The following NDUFA11 variants were observed in gnomAD, a reference collection of about 807,000 sequenced individuals.
The protein encoded by NDUFA11 is NADH:ubiquinone oxidoreductase subunit A11, also known as NADH dehydrogenase [ubiquinone] 1 alpha subcomplex subunit 11.
NDUFA11 carries 14 observed loss-of-function variants against 11.3 expected under a neutral mutation model. The ratio of observed to expected loss-of-function variants is 1.24; its 90% confidence interval spans 0.82 to 1.94. The LOEUF is 1.94. Ranked by LOEUF, NDUFA11 falls within the 30% of genes most tolerant of loss-of-function variation. The pLI, the probability that NDUFA11 is intolerant of heterozygous loss-of-function variation, is 0.00. For missense variants in NDUFA11, 204 were observed against 200.3 expected (o/e 1.02, Z -0.11); for synonymous variants, 87 against 85.6 (o/e 1.02, Z -0.09).
In NDUFA11 at chr19:5,903,634, G is replaced by A. The variant is rs2057659819; in HGVS notation, c.75C>T (p.Thr25=). 6.4e-7 allele frequency: 1 copy of A among 1,551,188 alleles called. No homozygotes were observed. Among genetic ancestry groups the A allele is most frequent in the South Asian group, 1.2e-5 (1 of 84,072 alleles). The change falls in exon 1 of 4, where the codon ACC becomes ACT. Residue 25 remains threonine (T), a synonymous_variant. Transcript: ENST00000308961. ...GTDCHRKAYS[T]TSIASVAGLT... is the part of the protein sequence containing the mutation. ...CACCAGCGACGCTGGCAATACTGGT[G>A]GTGCTGTAGGCTTTGCGGTGGCAAT...
rs1432242829 is a variant in NDUFA11 at position 5,896,220 on chromosome 19, G to C, written c.313+233C>G. The C allele has an allele frequency of 5.0e-6, 3 of 604,236 alleles. No individual in the cohort carries two copies. Among genetic ancestry groups the C allele is most frequent in the Non-Finnish European group, 8.8e-6 (3 of 340,502 alleles). 37.4% of individuals were successfully genotyped at this position (604,236 alleles called of 1,614,324 possible). On this transcript the variant is annotated intron_variant, in intron 3 of 3. Transcript: ENST00000308961. This position sits in a 1 kb window ranked among gnomAD's most constrained non-coding sequence, Gnocchi z 5.8. The stretch of plus-strand genomic sequence containing the variant: ...GAGGAGCAGTGAGGAGGCCCGTGTG[G>C]CTGGAGCAGAGTGAGGAGGGGAGGG...
chr19:5,901,393 TG>T (rs2057644517), intron 1 of NDUFA11: 1 of 1,287,040 alleles, frequency 7.8e-7, no homozygotes, highest in Non-Finnish European at 1.0e-6. Context: ...GACCTGGACT[TG>T]CAGCCCAGCT....
Position 5,896,314 on chromosome 19 carries a change from A to G in NDUFA11, c.313+139T>C. 2.0e-6 allele frequency: 2 copies of G among 1,022,000 alleles called. No individual in the cohort carries two copies. Among genetic ancestry groups the G allele is most frequent in the Non-Finnish European group, 2.8e-6 (2 of 706,352 alleles). 63.3% of individuals were successfully genotyped at this position (1,022,000 alleles called of 1,614,324 possible). On this transcript the variant is annotated intron_variant, in intron 3 of 3. Coordinates refer to ENST00000308961, the MANE Select transcript of NDUFA11 (RefSeq NM_175614.5). This position sits in a 1 kb window ranked among gnomAD's most constrained non-coding sequence, Gnocchi z 5.8. ...TTAAGCAGCAGCAGCAGCTGTCGCT[A>G]TGACTGAAATGGCTGGTGTTCAAGA...
chr19:5,894,543 C>T, downstream of NDUFA11: 1 of 1,151,894 alleles, frequency 8.7e-7, no homozygotes, highest in South Asian at 1.4e-5. Context: ...GGCTGGTACC[C>T]TTGGCAGGGA....
chr19:5,901,189 C>T, intron 1 of NDUFA11: 1 of 760,058 alleles, frequency 1.3e-6, no homozygotes, highest in South Asian at 2.1e-5. Context: ...CCTCCTGAGA[C>T]CGCAGCCCAC....
intron 1 of NDUFA11, among the ~76,000 whole-genome samples, chr19:5,899,091 C>G (rs1387322839): frequency 2.6e-5 from 4 of 151,862 alleles, no homozygotes; most frequent in Admixed American, 6.6e-5. Context: ...ACATCCCCCC[C>G]TTCCAAATTC....
chr19:5,891,925 C>T (rs1250993725), downstream of NDUFA11: 10 of 152,276 alleles, frequency 6.6e-5, no homozygotes, highest in Non-Finnish European at 1.3e-4. Context: ...CCCCCACAGC[C>T]CCTCAGGGAG....
chr19:5,897,030 C>T, intron 1 of NDUFA11, 33 bp from the exon 2 acceptor site: 1 of 1,568,024 alleles, frequency 6.4e-7, no homozygotes, highest in Non-Finnish European at 8.8e-7. Context: ...TGTTCAGACC[C>T]CACTGCTGCT....
At chr19:5,897,374 G>A (rs1394007422) in intron 1 of NDUFA11, among the ~76,000 whole-genome samples, 2 of 152,138 alleles carry the variant, frequency 1.3e-5, no homozygotes, top group African/African-American at 2.4e-5. Context: ...TCAGTTCTGC[G>A]GCTGCTTCCA....
chr19:5,901,861 C>G (rs552868426), intron 1 of NDUFA11, among the ~76,000 whole-genome samples: 1 of 151,722 alleles, frequency 6.6e-6, no homozygotes, highest in Non-Finnish European at 1.5e-5. Context: ...TTAGTAGAGA[C>G]GGGTTTTCAC....
chr19:5,903,559 A>G, intron 1 of NDUFA11, 53 bp downstream of exon 1: 1 of 1,508,694 alleles, frequency 6.6e-7, no homozygotes, highest in South Asian at 1.2e-5. Context: ...CAGTAACCCC[A>G]CGACCTCCCT....
chr19:5,903,711 C>A lies in NDUFA11; in HGVS notation c.-3G>T, dbSNP rs774070178. ...TGACGAAAAACCTTCGGCGCCATAG[C>A]CCGCAATCTCGATCCCGCACCACGG... On this transcript the variant is annotated 5_prime_UTR_variant, in exon 1 of 4. Transcript: ENST00000308961. 1 of 1,551,462 alleles carries A rather than the reference C, an allele frequency of 6.4e-7. No individual in the cohort carries two copies.
chr19:5,893,030 G>A, downstream of NDUFA11: 1 of 1,535,222 alleles, frequency 6.5e-7, no homozygotes, highest in South Asian at 1.2e-5. This position sits in a 1 kb window ranked among gnomAD's most constrained non-coding sequence, Gnocchi z 4.1. Context: ...CCCTTTCTCA[G>A]GGAGCCCGAG....
chr19:5,901,570 G>T, intron 1 of NDUFA11: 1 of 797,564 alleles, frequency 1.3e-6, no homozygotes, highest in Non-Finnish European at 1.7e-6. Context: ...CCGCAACTTT[G>T]GCCGGGCCCT....
downstream of NDUFA11, chr19:5,892,054 G>A (rs373466527): frequency 1.3e-5 from 2 of 152,298 alleles, no homozygotes; most frequent in East Asian, 1.9e-4. Context: ...GGGGTTCCCT[G>A]GAGCCCAGCA....
rs781322034 is a variant in NDUFA11, at chr19:5,896,632, G to C, written c.191-57C>G. 1.3e-6 allele frequency: 2 copies of C among 1,551,980 alleles called. No individual in the cohort carries two copies. Among genetic ancestry groups the C allele is most frequent in the Non-Finnish European group, 8.7e-7 (1 of 1,148,358 alleles). On this transcript the variant is annotated intron_variant, in intron 2 of 3. Transcript: ENST00000308961. This position sits in a 1 kb window ranked among gnomAD's most constrained non-coding sequence, Gnocchi z 5.8. Reference sequence around the variant, plus strand: ...GAGACGGGCACAGCAGGAGCCTCTTGGGCGCTCACTGCCAGTGTCTGGATG... The same window carrying C: ...GAGACGGGCACAGCAGGAGCCTCTTCGGCGCTCACTGCCAGTGTCTGGATG...
Position 5,896,210 on chromosome 19 carries a change from G to C in NDUFA11, c.313+243C>G, listed in dbSNP as rs941686332. The C allele has an allele frequency of 3.0e-5, 18 of 602,234 alleles. No individual in the cohort carries two copies. Among genetic ancestry groups the C allele is most frequent in the African/African-American group, 3.0e-4 (16 of 53,798 alleles). 37.3% of individuals were successfully genotyped at this position (602,234 alleles called of 1,614,324 possible). A position where few individuals can be genotyped will look rare whatever the true frequency, so the allele number is the denominator to read the frequency against. On this transcript the variant is annotated intron_variant, in intron 3 of 3. Transcript: ENST00000308961. The surrounding 1 kb of genome is among the most constrained non-coding windows in gnomAD (Gnocchi z 5.8). ...TGGCATGTGGGAGGAGCAGTGAGGA[G>C]GCCCGTGTGGCTGGAGCAGAGTGAG...
At position 5,896,677 on chromosome 19, in the gene NDUFA11, G is replaced by A. The variant is rs749116389; in HGVS notation, c.191-102C>T. ...TGGATGGAGAGAGATGCCACGAGTC[G>A]GCTGCTCGCTGTGCATGGCAGCCTC... On this transcript the variant is annotated intron_variant, in intron 2 of 3. Coordinates refer to ENST00000308961, the MANE Select transcript of NDUFA11 (RefSeq NM_175614.5). This position sits in a 1 kb window ranked among gnomAD's most constrained non-coding sequence, Gnocchi z 5.8. The A allele has an allele frequency of 4.5e-4, 685 of 1,519,484 alleles. 2 individuals are homozygous for A. Among genetic ancestry groups the A allele is most frequent in the Non-Finnish European group, 5.9e-4 (666 of 1,121,854 alleles). 94.1% of individuals were successfully genotyped at this position (1,519,484 alleles called of 1,614,324 possible).
At chr19:5,897,060 C>T (rs941482528) in intron 1 of NDUFA11, 63 bp from the exon 2 acceptor site, 12 of 1,366,278 alleles carry the variant, frequency 8.8e-6, no homozygotes, top group Admixed American at 5.0e-5. Context: ...CTTGGCCGGG[C>T]ACCCCACTGG....
Sources: gnomAD v4.1 joint callset for allele counts (sites outside exome capture counted in the v4.1 genomes callset) on GRCh38, gnomAD v4.1.1 for gene constraint, Gnocchi (gnomAD v3.1) non-coding constraint, MANE v1.5 for transcripts, NCBI Gene and HGNC (gene_info 2026-07-23, HGNC 2026-07-21) for gene names.